GRAMD1C: variants seen among roughly 807,000 people sequenced by gnomAD.
The protein encoded by GRAMD1C is GRAM domain containing 1C.
In GRAMD1C, 89 loss-of-function variants were observed where a neutral mutation model predicts 97.8. That is an observed-to-expected ratio of 0.91 (90% CI 0.77 to 1.09). The LOEUF (loss-of-function observed/expected upper bound fraction) is 1.09. Ranked by LOEUF, GRAMD1C falls within the 50% of genes least tolerant of loss-of-function variation. The pLI is 0.00. For synonymous variants in GRAMD1C, 256 were observed against 267.0 expected (o/e 0.96, Z 0.40); for missense variants, 740 against 766.4 (o/e 0.97, Z 0.41).
At chr3:113,935,827 C>T (rs1577225071) in intron 13 of GRAMD1C, among the ~76,000 whole-genome samples, 1 of 152,120 alleles carries the variant, frequency 6.6e-6, no homozygotes, top group African/African-American at 2.4e-5. Flanking sequence ...AGGTTGTTTA[C>T]AGATTTTCTT....
chr3:113,922,527 T>C (rs533041222), intron 10 of GRAMD1C, among the ~76,000 whole-genome samples: 104 of 152,352 alleles, frequency 6.8e-4, no homozygotes, highest in Admixed American at 1.5e-3. Context: ...ATTTATTGAA[T>C]AGGGAGTCTT....
intron 2 of GRAMD1C, chr3:113,850,491 T>C: frequency 6.5e-7 from 1 of 1,531,890 alleles, no homozygotes; most frequent in South Asian, 1.1e-5. Flanking sequence ...ATGAAGATAA[T>C]CATGGAGATA....
Position 113,909,050 on chromosome 3 carries a change from G to A in GRAMD1C, c.882G>A (p.Lys294=), listed in dbSNP as rs1335845761. 6.4e-7 allele frequency: 1 copy of A among 1,571,618 alleles called. No individual in the cohort carries two copies. The highest frequency in any genetic ancestry group is 8.6e-7 in the Non-Finnish European group (1 of 1,157,228). ...LEKKLTRVPS[K]SLDLNKNEYL... The stretch of plus-strand genomic sequence containing the variant: ...AGAAGTTAACTAGAGTGCCATCAAA[G>A]TCACTGGACTTGAATAAAAATGAAT... The change falls in exon 9 of 18, where the codon AAG becomes AAA. Residue 294 remains lysine (K), a synonymous_variant. Transcript: ENST00000358160.
chr3:113,945,311 C>A, intron 17 of GRAMD1C, 87 bp from the exon 18 acceptor site: 2 of 753,048 alleles, frequency 2.7e-6, no homozygotes, highest in Non-Finnish European at 4.7e-6. Context: ...TATTAAGTGT[C>A]ACTGTAAATT....
chr3:113,915,591 A>T, intron 9 of GRAMD1C, 110 bp from the exon 10 acceptor site: 1 of 780,360 alleles, frequency 1.3e-6, no homozygotes, highest in Middle Eastern at 2.5e-4. Flanking sequence ...CATATTTAAA[A>T]ACCATTTTAT....
chr3:113,911,765 T>TC (rs1191562610), intron 9 of GRAMD1C, among the ~76,000 whole-genome samples: 9 of 105,998 alleles, frequency 8.5e-5, no homozygotes, highest in Non-Finnish European at 2.0e-4. Flanking sequence ...TCTTGCTCTG[T>TC]CCCCTGAGCT....
At chr3:113,854,006 G>A (rs1408468991) in intron 2 of GRAMD1C, among the ~76,000 whole-genome samples, 1 of 152,164 alleles carries the variant, frequency 6.6e-6, no homozygotes, top group Non-Finnish European at 1.5e-5. Flanking sequence ...GATTGATGTG[G>A]TGAGTGAGGG....
rs1396817234 is a variant in GRAMD1C at position 113,904,272 on chromosome 3, A to C, written c.789A>C (p.Gly263=). ...TESFDGNSSK[G]GLGKEESQNE... is the part of the protein sequence containing the mutation. The stretch of plus-strand genomic sequence containing the variant: ...CATTCGATGGAAATTCATCAAAAGG[A>C]GTTAGTATATGATATCCCTTTTAAA... Residue 263 remains glycine, a splice_region_variant and synonymous_variant, in exon 8 of 18, where the codon GGA becomes GGC. Coordinates refer to ENST00000358160, the MANE Select transcript of GRAMD1C (RefSeq NM_017577.5). 6.3e-7 allele frequency: 1 copy of C among 1,590,960 alleles called. No individual in the cohort carries two copies. Among genetic ancestry groups the C allele is most frequent in the South Asian group, 1.1e-5 (1 of 90,610 alleles).
intron 2 of GRAMD1C, among the ~76,000 whole-genome samples, chr3:113,863,157 A>T (rs1934459522): frequency 6.6e-6 from 1 of 152,222 alleles, no homozygotes; most frequent in Admixed American, 6.5e-5. Flanking sequence ...CATTATTCAT[A>T]ATAAGCAAAA....
intron 6 of GRAMD1C, among the ~76,000 whole-genome samples, chr3:113,887,085 G>GTTTTTTTTTTTT (rs531763397): frequency 2.8e-5 from 2 of 71,444 alleles, no homozygotes; most frequent in African/African-American, 9.0e-5. Context: ...TGGCCTTTTT[G>GTTTTTTTTTTTT]TTTTTTTTTT....
At chr3:113,832,063 T>C (rs1320507315) in intron 1 of GRAMD1C, among the ~76,000 whole-genome samples, 1 of 151,998 alleles carries the variant, frequency 6.6e-6, no homozygotes, top group Non-Finnish European at 1.5e-5. Context: ...AGAGTCTTAC[T>C]CTGTCGCTCA....
At chr3:113,910,750 C>A (rs141824393) in intron 9 of GRAMD1C, among the ~76,000 whole-genome samples, 46 of 152,240 alleles carry the variant, frequency 3.0e-4, no homozygotes, top group Middle Eastern at 3.4e-3. Context: ...GCTGATGGAG[C>A]TGAAGAATGA....
At chr3:113,891,943 C>CT (rs1217894568) in intron 6 of GRAMD1C, among the ~76,000 whole-genome samples, 1 of 151,506 alleles carries the variant, frequency 6.6e-6, no homozygotes, top group Admixed American at 6.6e-5. Flanking sequence ...ATTATGGAAT[C>CT]TAAGTATGTG....
rs374277371 is a variant in GRAMD1C, at chr3:113,857,847, C to G, written c.175-11660C>G. On this transcript the variant is annotated intron_variant, in intron 2 of 17. Coordinates refer to ENST00000358160, the MANE Select transcript of GRAMD1C (RefSeq NM_017577.5). ...AACCAGCCTTGGATGCTGGAATGAA[C>G]TCCACTTGGTCAAGTTATATAATTC... is the stretch of plus-strand genomic sequence containing the variant. 3.4e-4 allele frequency among the ~76,000 whole-genome samples: 52 copies of G among 152,272 alleles called. No individual in the cohort carries two copies. In the East Asian group the frequency reaches 8.3e-3, roughly 24 times the overall value.
intron 2 of GRAMD1C, among the ~76,000 whole-genome samples, chr3:113,865,205 C>T (rs1413128516): frequency 6.6e-6 from 1 of 152,166 alleles, no homozygotes; most frequent in African/African-American, 2.4e-5. Flanking sequence ...CCAGAGAGCA[C>T]TCCCACAAGA....
At chr3:113,929,767 T>G (rs1268335753) in intron 10 of GRAMD1C, among the ~76,000 whole-genome samples, 6 of 152,196 alleles carry the variant, frequency 3.9e-5, no homozygotes, top group African/African-American at 7.2e-5. Flanking sequence ...TCAGGATCCC[T>G]CATTAAATCC....
chr3:113,862,687 A>G (rs1934428247), intron 2 of GRAMD1C, among the ~76,000 whole-genome samples: 1 of 152,230 alleles, frequency 6.6e-6, no homozygotes, highest in Non-Finnish European at 1.5e-5. Context: ...TCACAAGGGT[A>G]TTGACTGGGG....
At chr3:113,879,806 G>A (rs1171572581) in intron 5 of GRAMD1C, among the ~76,000 whole-genome samples, 1 of 148,928 alleles carries the variant, frequency 6.7e-6, no homozygotes, top group Non-Finnish European at 1.5e-5. Context: ...CAACTCTCCT[G>A]CCTCAGCCTC....
intron 10 of GRAMD1C, among the ~76,000 whole-genome samples, chr3:113,917,119 C>G (rs1488369120): frequency 1.3e-5 from 2 of 152,084 alleles, no homozygotes; most frequent in East Asian, 3.9e-4. Context: ...GCCACTCTAT[C>G]CAGTGATAGA....
Sources: gnomAD v4.1 joint callset for allele counts (sites outside exome capture counted in the v4.1 genomes callset) on GRCh38, gnomAD v4.1.1 for gene constraint, MANE v1.5 for transcripts, NCBI Gene and HGNC (gene_info 2026-07-23, HGNC 2026-07-21) for gene names.